ADARB2: variants seen among roughly 807,000 people sequenced by gnomAD.
The protein encoded by ADARB2 is inactive double-stranded RNA-specific editase B2.
ADARB2 carries 25 observed loss-of-function variants against 62.2 expected under a neutral mutation model. The observed-to-expected ratio is 0.40, with a 90% CI of 0.29 to 0.56. The LOEUF is 0.56. ADARB2 is among the 20% of genes least tolerant of loss of function. ADARB2 has a pLI of 0.43. For missense variants in ADARB2, 1,071 were observed against 1,077.4 expected, an observed-to-expected ratio of 0.99 and a Z score of 0.08; for synonymous variants, 572 against 500.8, an observed-to-expected ratio of 1.14 and a Z score of -1.90.
intron 1 of ADARB2, among the ~76,000 whole-genome samples, chr10:1,726,906 G>T (rs544544432): frequency 1.3e-5 from 2 of 152,212 alleles, no homozygotes; most frequent in East Asian, 1.9e-4. Context: ...CAGCGAGGGC[G>T]CCCATCTTCA....
chr10:1,642,746 C>G (rs950573735), intron 1 of ADARB2, among the ~76,000 whole-genome samples: 11 of 152,034 alleles, frequency 7.2e-5, no homozygotes, highest in African/African-American at 2.4e-4. Flanking sequence ...CACATCCACA[C>G]TCACATGCAC....
At chr10:1,370,936 A>G (rs1374630722) in intron 2 of ADARB2, among the ~76,000 whole-genome samples, 2 of 152,248 alleles carry the variant, frequency 1.3e-5, no homozygotes, top group East Asian at 1.9e-4. Context: ...TTTTTCACAG[A>G]ATTAGAAAAA....
At chr10:1,595,387 T>C (rs1406587112) in intron 1 of ADARB2, among the ~76,000 whole-genome samples, 1 of 152,132 alleles carries the variant, frequency 6.6e-6, no homozygotes. Context: ...TCAGACAGTA[T>C]GGTATGGAGG....
rs1000774749 is a variant in ADARB2, at chr10:1,477,002, C to T, written c.101-97842G>A. On this transcript the variant is annotated intron_variant, in intron 1 of 9. Coordinates refer to ENST00000381312, the MANE Select transcript of ADARB2 (RefSeq NM_018702.4). This position sits in a 1 kb window ranked among gnomAD's most constrained non-coding sequence, Gnocchi z 4.5. Reference sequence around the variant, plus strand: ...GCTGCCCACGGGTTCCGGATGCTGACCTTGTGGCAAATCATGATGACTCTC... The same window carrying T: ...GCTGCCCACGGGTTCCGGATGCTGATCTTGTGGCAAATCATGATGACTCTC... 2.0e-5 allele frequency among the ~76,000 whole-genome samples: 3 copies of T among 152,056 alleles called. No individual in the cohort carries two copies. The highest frequency in any genetic ancestry group is 4.8e-5 in the African/African-American group (2 of 41,394).
At chr10:1,703,500 A>G (rs7905989) in intron 1 of ADARB2, among the ~76,000 whole-genome samples, 10,258 of 152,252 alleles carry the variant, frequency 0.067, 536 homozygotes, top group African/African-American at 0.15. Flanking sequence ...GGGATGATCC[A>G]GCAGAGAGGG....
intron 1 of ADARB2, among the ~76,000 whole-genome samples, chr10:1,730,363 A>G (rs1835215450): frequency 6.6e-6 from 1 of 152,068 alleles, no homozygotes; most frequent in African/African-American, 2.4e-5. Flanking sequence ...TCTCTTTCTG[A>G]TCCGTGGGAG....
intron 1 of ADARB2, among the ~76,000 whole-genome samples, chr10:1,406,152 T>C (rs1392020831): frequency 6.6e-6 from 1 of 152,194 alleles, no homozygotes; most frequent in African/African-American, 2.4e-5. Context: ...AGGTGTGGAT[T>C]TTCACTGCGA....
intron 1 of ADARB2, among the ~76,000 whole-genome samples, chr10:1,511,437 G>C (rs1041528954): frequency 6.6e-6 from 1 of 152,140 alleles, no homozygotes; most frequent in African/African-American, 2.4e-5. Flanking sequence ...TGTGCCAAGG[G>C]GAGAGAAGTT....
chr10:1,683,568 G>A (rs566816608), intron 1 of ADARB2, among the ~76,000 whole-genome samples: 44 of 152,258 alleles, frequency 2.9e-4, no homozygotes, highest in Non-Finnish European at 5.4e-4. Flanking sequence ...GATCCGCTTG[G>A]GTCTTTGTGC....
chr10:1,682,712 C>T (rs1834553663), intron 1 of ADARB2, among the ~76,000 whole-genome samples: 2 of 152,270 alleles, frequency 1.3e-5, no homozygotes, highest in Admixed American at 1.3e-4. Context: ...GGTCCCCCAA[C>T]ACCGTGGCCA....
chr10:1,245,075 G>C (rs1170360738), intron 4 of ADARB2, among the ~76,000 whole-genome samples: 1 of 152,152 alleles, frequency 6.6e-6, no homozygotes, highest in East Asian at 1.9e-4. Flanking sequence ...TGAGTGCTGG[G>C]TTGCACAGGA....
At chr10:1,191,240 G>A (rs976083002) in intron 8 of ADARB2, among the ~76,000 whole-genome samples, 1 of 152,178 alleles carries the variant, frequency 6.6e-6, no homozygotes, top group East Asian at 1.9e-4. Context: ...GACCAGCGGG[G>A]CTCACGGTCC....
chr10:1,547,099 T>A (rs1832532235), intron 1 of ADARB2, among the ~76,000 whole-genome samples: 1 of 152,192 alleles, frequency 6.6e-6, no homozygotes, highest in Non-Finnish European at 1.5e-5. Context: ...GAAGATAAGA[T>A]ACTGTGGCCT....
intron 1 of ADARB2, among the ~76,000 whole-genome samples, chr10:1,638,822 C>A (rs1261799618): frequency 6.6e-6 from 1 of 152,224 alleles, no homozygotes; most frequent in Admixed American, 6.5e-5. Context: ...AATCACCACT[C>A]ATCACTCATC....
chr10:1,627,928 C>G (rs987235349), intron 1 of ADARB2, among the ~76,000 whole-genome samples: 25 of 152,216 alleles, frequency 1.6e-4, no homozygotes, highest in African/African-American at 6.0e-4. Flanking sequence ...TGTGACTCCC[C>G]CCAGCATCAC....
chr10:1,469,140 G>A (rs143423969), intron 1 of ADARB2, among the ~76,000 whole-genome samples: 1 of 152,220 alleles, frequency 6.6e-6, no homozygotes, highest in Non-Finnish European at 1.5e-5. Flanking sequence ...CACAGACACT[G>A]AAAGAGTCGT....
intron 1 of ADARB2, among the ~76,000 whole-genome samples, chr10:1,548,096 G>C (rs538438060): frequency 6.6e-6 from 1 of 152,158 alleles, no homozygotes; most frequent in Non-Finnish European, 1.5e-5. Context: ...GCCTCCCTAA[G>C]TGACTGACCC....
intron 1 of ADARB2, among the ~76,000 whole-genome samples, chr10:1,497,090 C>T (rs913378699): frequency 6.6e-6 from 1 of 152,052 alleles, no homozygotes; most frequent in Non-Finnish European, 1.5e-5. Flanking sequence ...CAGGTATGCC[C>T]CTTAAGTTCT....
chr10:1,356,499 A>C (rs1832197072), intron 3 of ADARB2, among the ~76,000 whole-genome samples: 2 of 152,158 alleles, frequency 1.3e-5, no homozygotes, highest in South Asian at 4.1e-4. Context: ...CAGGACCCAG[A>C]ACCTCAGCTT....
Sources: gnomAD v4.1 joint callset for allele counts (sites outside exome capture counted in the v4.1 genomes callset) on GRCh38, gnomAD v4.1.1 for gene constraint, Gnocchi (gnomAD v3.1) non-coding constraint, MANE v1.5 for transcripts, NCBI Gene and HGNC (gene_info 2026-07-23, HGNC 2026-07-21) for gene names.